TDRD12: variants seen among roughly 807,000 people sequenced by gnomAD.
TDRD12 encodes the protein tudor domain containing 12.
TDRD12 carries 158 observed loss-of-function variants against 133.5 expected under a neutral mutation model. The observed-to-expected ratio is 1.18, with a 90% confidence interval of 1.04 to 1.35. TDRD12 has a LOEUF of 1.35. Ranked by LOEUF, TDRD12 falls within the 40% of genes most tolerant of loss-of-function variation. The pLI is 0.00. For missense variants in TDRD12, 1,443 were observed against 1,321.3 expected (o/e 1.09, Z -1.43); for synonymous variants, 460 against 477.9 (o/e 0.96, Z 0.49).
chr19:32,798,338 T>C, exon 16 of TDRD12: 1 of 1,535,840 alleles, frequency 6.5e-7, no homozygotes, highest in Non-Finnish European at 8.7e-7. Context: ...CCATACAGCC[T>C]GCTGAGGCTT....
intron 19 of TDRD12, among the ~76,000 whole-genome samples, chr19:32,802,279 T>A (rs1971421910): frequency 6.7e-6 from 1 of 149,352 alleles, no homozygotes. Context: ...ATCATATATA[T>A]CATGATAGTG....
intron 11 of TDRD12, 109 bp from the exon 12 acceptor site, chr19:32,790,422 C>T: frequency 9.1e-7 from 1 of 1,098,286 alleles, no homozygotes; most frequent in East Asian, 2.6e-5. Context: ...ACAGCTGAGC[C>T]TTGGGCTGTG....
exon 3 of TDRD12, chr19:32,738,926 C>T (rs966565397): frequency 6.4e-7 from 1 of 1,551,332 alleles, no homozygotes. Flanking sequence ...ACGTCTTCCG[C>T]AGACCAGTAC....
chr19:32,810,113 G>T, exon 23 of TDRD12: 1 of 1,520,804 alleles, frequency 6.6e-7, no homozygotes, highest in Admixed American at 2.1e-5. Flanking sequence ...TTTATATTTT[G>T]AATGCAACAA....
intron 19 of TDRD12, 133 bp from the exon 20 acceptor site, chr19:32,802,523 G>C (rs1971428215): frequency 9.4e-7 from 1 of 1,062,468 alleles, no homozygotes; most frequent in Non-Finnish European, 1.3e-6. Context: ...AAAAAATGGG[G>C]AAGAAGTTTC....
chr19:32,745,007 T>A (rs754390763), intron 4 of TDRD12, among the ~76,000 whole-genome samples: 2 of 152,182 alleles, frequency 1.3e-5, no homozygotes, highest in Non-Finnish European at 2.9e-5. Flanking sequence ...GCGTGGCATC[T>A]ACACTGATGT....
At chr19:32,741,911 C>T (rs969125740) in intron 3 of TDRD12, among the ~76,000 whole-genome samples, 8 of 152,062 alleles carry the variant, frequency 5.3e-5, no homozygotes. Flanking sequence ...AAATAAAGTG[C>T]TCTGTCGTTT....
At chr19:32,771,587 CTTT>C (rs78756152) in intron 8 of TDRD12, among the ~76,000 whole-genome samples, 2 of 143,610 alleles carry the variant, frequency 1.4e-5, no homozygotes. Flanking sequence ...TCCCAATCTC[CTTT>C]TTTTTTTTTT....
chr19:32,726,134 G>A (rs1340508483), intron 1 of TDRD12, among the ~76,000 whole-genome samples: 1 of 149,892 alleles, frequency 6.7e-6, no homozygotes, highest in African/African-American at 2.5e-5. Flanking sequence ...AGGCCGGAAT[G>A]CAGTGGTGCG....
intron 2 of TDRD12, among the ~76,000 whole-genome samples, chr19:32,738,062 G>A (rs539902339): frequency 8.5e-5 from 13 of 152,152 alleles, no homozygotes; most frequent in Non-Finnish European, 1.5e-4. Flanking sequence ...GCTTGAGCCC[G>A]GGAGGTGGAG....
exon 10 of TDRD12, chr19:32,827,372 CTTTTTT>C (rs549327733): frequency 1.1e-3 from 129 of 122,258 alleles, no homozygotes; most frequent in East Asian, 3.9e-3. Context: ...CTTTTCTTTT[CTTTTTT>C]TTTTTTTTTT....
At chr19:32,822,304 C>T (rs570147376), downstream of TDRD12, among the ~76,000 whole-genome samples, 1 of 152,162 alleles carries the variant, frequency 6.6e-6, no homozygotes, top group African/African-American at 2.4e-5. Flanking sequence ...TGGTGGCGCA[C>T]GCCTGTAGTC....
chr19:32,806,720 C>T (rs1971561498), intron 21 of TDRD12, among the ~76,000 whole-genome samples: 1 of 151,562 alleles, frequency 6.6e-6, no homozygotes, highest in African/African-American at 2.4e-5. Flanking sequence ...TGCAGTGGCA[C>T]CATCTTGGCT....
exon 8 of TDRD12, chr19:32,757,069 T>C (rs1325225306): frequency 6.4e-7 from 1 of 1,551,896 alleles, no homozygotes; most frequent in South Asian, 1.2e-5. Flanking sequence ...CGGCACAATC[T>C]CTGCAACATA....
intron 23 of TDRD12, 55 bp downstream of exon 23, chr19:32,810,332 G>A (rs915081049): frequency 7.2e-7 from 1 of 1,387,708 alleles, no homozygotes; most frequent in African/African-American, 1.5e-5. Context: ...GTAACTAAGT[G>A]GTGTTGAGTT....
At position 32,738,937 on chromosome 19, in the gene TDRD12, C is replaced by G. The variant is rs1252472766; in HGVS notation, c.265C>G (p.Leu89Val). 4 of 1,551,152 alleles carry G rather than the reference C, an allele frequency of 2.6e-6. No homozygotes were observed. In the Admixed American group the frequency reaches 5.9e-5, roughly 23 times the overall value. The change falls in exon 3 of 28, where the codon CTG (leucine) becomes GTG (valine). Residue 89 changes from leucine (L) to valine (V), a missense_variant. By Grantham distance (32) the Leu-to-Val change is conservative. Coordinates refer to ENST00000444215, the Ensembl canonical transcript of TDRD12. ...AATTACGTCTTCCGCAGACCAGTAC[C>G]TGGCAGAATGTTTCCTTGTGGACTT...
intron 3 of TDRD12, among the ~76,000 whole-genome samples, chr19:32,742,334 T>C (rs925869223): frequency 6.6e-6 from 1 of 152,032 alleles, no homozygotes; most frequent in Non-Finnish European, 1.5e-5. Context: ...TTTTTTGTAG[T>C]TTTAGTATAA....
intron 10 of TDRD12, among the ~76,000 whole-genome samples, chr19:32,774,114 T>C (rs1038471369): frequency 6.6e-6 from 1 of 152,232 alleles, no homozygotes; most frequent in Non-Finnish European, 1.5e-5. Context: ...TACATGTCAG[T>C]GACGTTAACA....
intron 1 of TDRD12, 43 bp downstream of exon 1, chr19:32,720,139 C>CCCCACCCCCACCCCAGCCGCGCACAGCCT: frequency 6.8e-7 from 1 of 1,480,508 alleles, no homozygotes; most frequent in South Asian, 1.2e-5. Context: ...CCACGCAGTC[C>CCCCACCCCCACCCCAGCCGCGCACAGCCT]CCCACCCCCA....
Sources: gnomAD v4.1 joint callset for allele counts (sites outside exome capture counted in the v4.1 genomes callset) on GRCh38, gnomAD v4.1.1 for gene constraint, MANE v1.5 for transcripts, NCBI Gene and HGNC (gene_info 2026-07-23, HGNC 2026-07-21) for gene names.